Variants in VCL observed in about 807,000 individuals in gnomAD.
VCL encodes the protein vinculin, also known as epididymis luminal protein 114.
A neutral mutation model predicts 125.7 loss-of-function variants in VCL; 47 were observed. That is an observed-to-expected ratio of 0.37 (90% CI 0.30 to 0.48). VCL has a LOEUF of 0.48. Among genes scored for constraint, VCL ranks in the 20% least tolerant of loss-of-function variants. VCL has a pLI of 0.99. For missense variants in VCL, 1,069 were observed against 1,455.5 expected, an observed-to-expected ratio of 0.73 and a Z score of 4.32; for synonymous variants, 458 against 514.6, an observed-to-expected ratio of 0.89 and a Z score of 1.49.
chr10:74,078,654 T>C (rs74146321), intron 6 of VCL, among the ~76,000 whole-genome samples: 6,809 of 152,246 alleles, frequency 0.045, 527 homozygotes, highest in African/African-American at 0.15. Context: ...ATAGGTAGCA[T>C]AGATTTTTAG....
chr10:74,018,997 T>G (rs1020565932), intron 1 of VCL, among the ~76,000 whole-genome samples: 13 of 152,352 alleles, frequency 8.5e-5, no homozygotes, highest in Middle Eastern at 3.4e-3. Context: ...CTTGCTTGTA[T>G]CTACAGAACT....
intron 2 of VCL, 79 bp downstream of exon 2, chr10:74,043,232 C>A: frequency 1.5e-6 from 2 of 1,322,930 alleles, no homozygotes; most frequent in Non-Finnish European, 2.2e-6. Flanking sequence ...ATTTCAGTAA[C>A]AACTTTTTTT....
chr10:74,028,738 G>C (rs1489210930), intron 1 of VCL, among the ~76,000 whole-genome samples: 1 of 151,904 alleles, frequency 6.6e-6, no homozygotes, highest in Non-Finnish European at 1.5e-5. Context: ...AAAACTAGAG[G>C]AGATTATTAG....
At chr10:74,033,653 A>G (rs1258690711) in intron 1 of VCL, among the ~76,000 whole-genome samples, 1 of 152,068 alleles carries the variant, frequency 6.6e-6, no homozygotes, top group African/African-American at 2.4e-5. Context: ...TCGTGATTTC[A>G]TTCATTATCC....
In VCL at chr10:74,111,911, G is replaced by T; in HGVS notation, c.2748G>T (p.Pro916=). Residue 916 remains proline, a splice_region_variant and synonymous_variant, in exon 19 of 22, where the codon CCG becomes CCT. Transcript: ENST00000211998. ...HDEARKWSSK[P]GIPAAEVGIG... is the part of the protein sequence containing the mutation. ...CATCCTTCCCGCCATCGACAAAGCC[G>T]GGCATCCCAGCCGCTGAGGTGGGTA... 1 of 1,614,148 alleles carries T rather than the reference G, an allele frequency of 6.2e-7. No homozygotes were observed. Among genetic ancestry groups the T allele is most frequent in the Non-Finnish European group, 8.5e-7 (1 of 1,180,020 alleles).
intron 13 of VCL, 71 bp from the exon 14 acceptor site, chr10:74,100,877 G>T: frequency 6.3e-7 from 1 of 1,589,968 alleles, no homozygotes. Context: ...CTTAAAGGAT[G>T]AAACTTTTTC....
intron 15 of VCL, among the ~76,000 whole-genome samples, chr10:74,104,206 G>A (rs1840099651): frequency 1.3e-5 from 2 of 152,172 alleles, no homozygotes; most frequent in Non-Finnish European, 2.9e-5. Flanking sequence ...TCTTTGAATA[G>A]TGTCTTTGCC....
rs1425397914 is a variant in VCL at position 74,105,195 on chromosome 10, G to C, written c.2276G>C (p.Arg759Pro). ...GCTGGGGCAACCAGTATTGCTCGTC[G>C]GGCCAACCGGATCCTGCTGGTGGCT... ...LVAGATSIARRANRILLVAKR... is the reference protein window; with the variant it reads ...LVAGATSIARPANRILLVAKR... The change falls in exon 16 of 22, where the codon CGG becomes CCG. Residue 759 changes from arginine to proline, a missense_variant. Physicochemically the swap from Arg to Pro is moderately radical, Grantham distance 103. Around this residue, in one of 6 missense-constraint regions of VCL, gnomAD observed 760 missense variants for 928.9 expected, o/e 0.82. Transcript: ENST00000211998. 1.2e-6 allele frequency: 2 copies of C among 1,614,010 alleles called. No individual in the cohort carries two copies. Among genetic ancestry groups the C allele is most frequent in the Non-Finnish European group, 1.7e-6 (2 of 1,180,030 alleles).
intron 1 of VCL, among the ~76,000 whole-genome samples, chr10:74,003,776 G>C (rs1175414556): frequency 6.6e-6 from 1 of 152,320 alleles, no homozygotes; most frequent in East Asian, 1.9e-4. Context: ...CTGGAGTGCA[G>C]TGGTGTGATC....
At chr10:74,021,772 C>T (rs1257380306) in intron 1 of VCL, among the ~76,000 whole-genome samples, 1 of 152,136 alleles carries the variant, frequency 6.6e-6, no homozygotes, top group African/African-American at 2.4e-5. Context: ...CCTTTTTTCT[C>T]CTTCTTGTCT....
intron 19 of VCL, 115 bp from the exon 20 acceptor site, chr10:74,114,069 C>T: frequency 8.1e-7 from 1 of 1,238,908 alleles, no homozygotes; most frequent in Non-Finnish European, 1.2e-6. Context: ...TCTTCTCACC[C>T]TTCCGGAGGG....
At chr10:74,084,851 ATCCAC>A (rs1478343901) in intron 8 of VCL, among the ~76,000 whole-genome samples, 1 of 151,812 alleles carries the variant, frequency 6.6e-6, no homozygotes, top group Non-Finnish European at 1.5e-5. Flanking sequence ...GCCTCAGGTG[ATCCAC>A]CTGCCTTGGC....
chr10:74,039,995 C>A (rs1841063381), intron 1 of VCL, among the ~76,000 whole-genome samples: 1 of 152,154 alleles, frequency 6.6e-6, no homozygotes, highest in Non-Finnish European at 1.5e-5. Context: ...AAAATACACC[C>A]AATCTTTTCC....
intron 2 of VCL, among the ~76,000 whole-genome samples, chr10:74,066,224 A>T (rs112985803): frequency 0.063 from 9,518 of 151,498 alleles, 1,030 homozygotes; most frequent in African/African-American, 0.22. Flanking sequence ...CACGCCCAGC[A>T]AATTTTGTAT....
intron 1 of VCL, among the ~76,000 whole-genome samples, chr10:74,033,687 G>A (rs1256714038): frequency 2.0e-5 from 3 of 152,302 alleles, no homozygotes; most frequent in African/African-American, 7.2e-5. Flanking sequence ...CGTCTGAGTT[G>A]CCTGTTACTT....
intron 11 of VCL, 111 bp downstream of exon 11, chr10:74,094,572 T>A: frequency 7.7e-7 from 1 of 1,302,466 alleles, no homozygotes; most frequent in Non-Finnish European, 1.1e-6. Flanking sequence ...CTTTAGCTGC[T>A]GATAAGTAAC....
At chr10:74,003,183 C>T (rs1036560325) in intron 1 of VCL, among the ~76,000 whole-genome samples, 3 of 151,978 alleles carry the variant, frequency 2.0e-5, no homozygotes, top group African/African-American at 7.2e-5. Flanking sequence ...AGTGATTCTC[C>T]TGCCTCAGCC....
chr10:74,045,845 T>G (rs1002028722), intron 2 of VCL, among the ~76,000 whole-genome samples: 5 of 152,142 alleles, frequency 3.3e-5, no homozygotes, highest in African/African-American at 1.2e-4. Context: ...AGTGATGAGT[T>G]ACATGGGCGG....
rs550591878 is a variant in VCL, at chr10:74,032,768, A to G, written c.169-10315A>G. Among the ~76,000 whole-genome samples the G allele has an allele frequency of 6.6e-5, 10 of 151,914 alleles. No homozygotes were observed. The East Asian group carries it at 1.9e-3, about 29-fold the overall frequency. ...CTGAATAGACATTTCTCAAAAGTAG[A>G]TATATAAATGGTCAATACACCCATA... On this transcript the variant is annotated intron_variant, in intron 1 of 21. Coordinates refer to ENST00000211998, the MANE Select transcript of VCL (RefSeq NM_014000.3).
Sources: allele counts gnomAD v4.1 joint callset (sites outside exome capture counted in the v4.1 genomes callset), GRCh38; gene constraint gnomAD v4.1.1; regional missense constraint gnomAD v4.1.1; transcripts MANE v1.5; gene names NCBI Gene and HGNC (gene_info 2026-07-23, HGNC 2026-07-21).